GABRR2: variants seen among roughly 807,000 people sequenced by gnomAD.
The protein encoded by GABRR2 is gamma-aminobutyric acid receptor subunit rho-2.
A neutral mutation model predicts 47.0 loss-of-function variants in GABRR2; 36 were observed. The ratio of observed to expected loss-of-function variants is 0.77; its 90% CI spans 0.59 to 1.01. GABRR2 has a LOEUF of 1.01. Among genes scored for constraint, GABRR2 ranks in the 50% least tolerant of loss-of-function variants. The probability of loss-of-function intolerance (pLI) is 0.00; values close to 1 mark genes in which losing one functional copy is unlikely to be tolerated. For synonymous variants in GABRR2, 204 were observed against 227.5 expected, an observed-to-expected ratio of 0.90 and a Z score of 0.93; for missense variants, 587 against 594.6, an observed-to-expected ratio of 0.99 and a Z score of 0.13.
At chr6:89,299,414 G>T (rs1306165839) in intron 2 of GABRR2, among the ~76,000 whole-genome samples, 4 of 152,108 alleles carry the variant, frequency 2.6e-5, no homozygotes, top group African/African-American at 7.2e-5. Flanking sequence ...GCCTTCATGG[G>T]CCTCTTCCTC....
chr6:89,265,688 C>T lies in GABRR2; in HGVS notation c.814G>A (p.Ala272Thr), dbSNP rs773799138. 5 of 1,614,110 alleles carry T rather than the reference C, an allele frequency of 3.1e-6. No individual in the cohort carries two copies. In the South Asian group the frequency reaches 5.5e-5, roughly 18 times the overall value. The change falls in exon 7 of 9, where the codon GCC becomes ACC. Residue 272 changes from alanine to threonine, a missense_variant. Physicochemically the swap from Ala to Thr is moderately conservative, Grantham distance 58. Coordinates refer to ENST00000402938, the MANE Select transcript of GABRR2 (RefSeq NM_002043.5). ...CAGGACAGCATGACCATCAGAGTGG[C>T]AGGGAAATATGTTTGGAGCAAGAAG... ...FFFLLQTYFP[A>T]TLMVMLSWVS...
intron 3 of GABRR2, among the ~76,000 whole-genome samples, chr6:89,269,771 A>G (rs1052482589): frequency 2.2e-4 from 33 of 152,250 alleles, no homozygotes; most frequent in African/African-American, 7.5e-4. Flanking sequence ...TAGATGCTCA[A>G]TAGATATTTG....
At position 89,269,210 on chromosome 6, in the gene GABRR2, G is replaced by C; in HGVS notation, c.313C>G (p.Arg105Gly). Residue 105 changes from arginine to glycine, a missense_variant, in exon 4 of 9, where the codon CGG (arginine) becomes GGG (glycine). By Grantham distance (125) the Arg-to-Gly change is moderately radical. Transcript: ENST00000402938. ...DMDFTMTLYL[R>G]HYWKDERLAF... ...AGCCTCTCATCCTTCCAGTAATGCCGCAGGTACAGGGTCATAGTGAAGTCC... is the reference window on the plus strand; with the variant it reads ...AGCCTCTCATCCTTCCAGTAATGCCCCAGGTACAGGGTCATAGTGAAGTCC... 1 of 1,614,004 alleles carries C rather than the reference G, an allele frequency of 6.2e-7. No individual in the cohort carries two copies. Among genetic ancestry groups the C allele is most frequent in the Non-Finnish European group, 8.5e-7 (1 of 1,179,878 alleles).
At position 89,257,839 on chromosome 6, in the gene GABRR2, T is replaced by A; in HGVS notation, c.1229A>T (p.His410Leu). Residue 410 changes from histidine to leucine, a missense_variant, in exon 9 of 9, where the codon CAC (histidine) becomes CTC (leucine). Physicochemically the swap from His to Leu is moderately conservative, Grantham distance 99. Coordinates refer to ENST00000402938, the MANE Select transcript of GABRR2 (RefSeq NM_002043.5). ...EEERQDKIVVHLGLSGEANAA... is the reference protein window; with the variant it reads ...EEERQDKIVVLLGLSGEANAA... Reference sequence around the variant, plus strand: ...GTTGGCTTCACCACTCAGGCCCAGGTGGACCACTATTTTGTCTTGCCTTTC... The same window carrying A: ...GTTGGCTTCACCACTCAGGCCCAGGAGGACCACTATTTTGTCTTGCCTTTC... 6.2e-7 allele frequency: 1 copy of A among 1,614,086 alleles called. No individual in the cohort carries two copies.
At chr6:89,299,657 G>C (rs944893351) in intron 2 of GABRR2, 102 bp downstream of exon 2, 1 of 729,102 alleles carries the variant, frequency 1.4e-6, no homozygotes, top group Non-Finnish European at 2.4e-6. Context: ...TGGGAAAATT[G>C]CACCATCTGA....
intron 2 of GABRR2, among the ~76,000 whole-genome samples, chr6:89,284,474 G>A (rs1416614830): frequency 6.6e-6 from 1 of 152,170 alleles, no homozygotes; most frequent in African/African-American, 2.4e-5. Context: ...GTAGCCTGAA[G>A]TACCCAGGTG....
At chr6:89,266,617 C>A (rs529332140) in intron 6 of GABRR2, among the ~76,000 whole-genome samples, 2 of 152,198 alleles carry the variant, frequency 1.3e-5, no homozygotes, top group Non-Finnish European at 2.9e-5. Context: ...GTCAGTTGAG[C>A]TTGGTTCAAC....
In GABRR2 at chr6:89,265,776, C is replaced by T; in HGVS notation, c.737-11G>A. ...GACGGTTGTACCAGCCTAGGGGATG[C>T]AGGAAGAAGCCAATGAGGTTCCATC... On this transcript the variant is annotated splice_polypyrimidine_tract_variant and intron_variant, in intron 6 of 8. Coordinates refer to ENST00000402938, the MANE Select transcript of GABRR2 (RefSeq NM_002043.5). The T allele has an allele frequency of 6.2e-7, 1 of 1,612,602 alleles. No homozygotes were observed. The highest frequency in any genetic ancestry group is 8.5e-7 in the Non-Finnish European group (1 of 1,179,232).
At chr6:89,303,069 G>T (rs1767484927) in intron 1 of GABRR2, 1 of 846,004 alleles carries the variant, frequency 1.2e-6, no homozygotes, top group African/African-American at 1.7e-5. Context: ...AGGGTGAGAT[G>T]TTCGCAGATG....
chr6:89,285,921 G>A (rs1011195421), intron 2 of GABRR2, among the ~76,000 whole-genome samples: 1 of 151,770 alleles, frequency 6.6e-6, no homozygotes, highest in Admixed American at 6.6e-5. Context: ...CCCTCCCTCT[G>A]GGGTCTCTGT....
At chr6:89,265,401 A>T (rs568700634) in intron 7 of GABRR2, among the ~76,000 whole-genome samples, 9 of 152,314 alleles carry the variant, frequency 5.9e-5, no homozygotes, top group African/African-American at 2.2e-4. Flanking sequence ...ATACAATCAC[A>T]GTTGATGTTG....
intron 3 of GABRR2, among the ~76,000 whole-genome samples, chr6:89,269,561 T>G (rs1052848012): frequency 3.9e-5 from 6 of 152,232 alleles, no homozygotes; most frequent in African/African-American, 1.2e-4. Context: ...CACTTAGACC[T>G]CTGCACACAT....
chr6:89,290,621 C>T (rs951480763), intron 2 of GABRR2, among the ~76,000 whole-genome samples: 3 of 152,232 alleles, frequency 2.0e-5, no homozygotes, highest in Non-Finnish European at 2.9e-5. Context: ...GGGGCCCGAG[C>T]AGGGCCCCTC....
chr6:89,300,670 A>G (rs763310985), intron 1 of GABRR2, among the ~76,000 whole-genome samples: 1 of 150,894 alleles, frequency 6.6e-6, no homozygotes, highest in Non-Finnish European at 1.5e-5. Context: ...TGAACCAGGA[A>G]GAAATTGATT....
intron 2 of GABRR2, among the ~76,000 whole-genome samples, chr6:89,273,190 A>G (rs1249206226): frequency 6.6e-6 from 1 of 152,174 alleles, no homozygotes; most frequent in African/African-American, 2.4e-5. Context: ...CTCAGATGAT[A>G]GCTAAGATCA....
At position 89,257,876 on chromosome 6, in the gene GABRR2, G is replaced by A; in HGVS notation, c.1192C>T (p.Leu398=). ...SLAGYPRSHI[L]TEEERQDKIV... ...TTGTCTTGCCTTTCTTCTTCTGTCAGGATATGGCTTCTGGGGTACCCAGCC... is the reference window on the plus strand; with the variant it reads ...TTGTCTTGCCTTTCTTCTTCTGTCAAGATATGGCTTCTGGGGTACCCAGCC... Residue 398 remains leucine (L), a synonymous_variant, in exon 9 of 9, where the codon CTG becomes TTG. Transcript: ENST00000402938. The A allele has an allele frequency of 6.2e-7, 1 of 1,614,022 alleles. No homozygotes were observed. The highest frequency in any genetic ancestry group is 8.5e-7 in the Non-Finnish European group (1 of 1,179,888).
At chr6:89,281,249 G>C (rs570380975) in intron 2 of GABRR2, among the ~76,000 whole-genome samples, 9 of 152,220 alleles carry the variant, frequency 5.9e-5, no homozygotes, top group Non-Finnish European at 1.2e-4. Flanking sequence ...AATCCGTGGA[G>C]AGGAGCAACT....
chr6:89,267,332 G>A (rs555594626), intron 6 of GABRR2, among the ~76,000 whole-genome samples: 19 of 152,214 alleles, frequency 1.2e-4, no homozygotes, highest in African/African-American at 4.1e-4. Flanking sequence ...TTGGGAGGCC[G>A]AGGTAGGAGG....
chr6:89,269,432 A>C (rs552542408), intron 3 of GABRR2, 198 bp from the exon 4 acceptor site: 2 of 577,950 alleles, frequency 3.5e-6, no homozygotes, highest in South Asian at 4.0e-5. Flanking sequence ...ATGCGCTTGG[A>C]GCCCAGGAGA....
Sources: allele counts gnomAD v4.1 joint callset (sites outside exome capture counted in the v4.1 genomes callset), GRCh38; gene constraint gnomAD v4.1.1; transcripts MANE v1.5; gene names NCBI Gene and HGNC (gene_info 2026-07-23, HGNC 2026-07-21).